The following KHDRBS2 variants were observed in gnomAD, a reference collection of about 807,000 sequenced individuals.
KHDRBS2 encodes the protein KH RNA binding domain containing, signal transduction associated 2, also known as KH domain-containing, RNA-binding, signal transduction-associated protein 2.
In KHDRBS2, 26 loss-of-function variants were observed where a neutral mutation model predicts 44.3. The observed-to-expected ratio is 0.59, with a 90% CI of 0.43 to 0.81. The LOEUF is 0.81. Ranked by LOEUF, KHDRBS2 falls within the 40% of genes least tolerant of loss-of-function variation. The pLI, the probability that KHDRBS2 is intolerant of heterozygous loss-of-function variation, is 0.00. For synonymous variants in KHDRBS2, 194 were observed against 151.1 expected, an observed-to-expected ratio of 1.28 and a Z score of -2.08; for missense variants, 476 against 433.1, an observed-to-expected ratio of 1.10 and a Z score of -0.88.
At chr6:61,910,075 A>G (rs1276176766) in intron 4 of KHDRBS2, among the ~76,000 whole-genome samples, 1 of 152,182 alleles carries the variant, frequency 6.6e-6, no homozygotes, top group Non-Finnish European at 1.5e-5. Context: ...CAGCTCCTAC[A>G]AACAGATTAG....
At chr6:61,622,789 G>A in the KHDRBS2 span, among the ~76,000 whole-genome samples, 1 of 152,066 alleles carries the variant, frequency 6.6e-6, no homozygotes, top group Non-Finnish European at 1.5e-5. Context: ...CATTCATTGA[G>A]GTCAAGAATG....
chr6:61,728,096 A>T (rs6916332), intron 7 of KHDRBS2, among the ~76,000 whole-genome samples: 1 of 152,032 alleles, frequency 6.6e-6, no homozygotes. Context: ...ATCATGGAAT[A>T]CTATGCAGCC....
intron 7 of KHDRBS2, among the ~76,000 whole-genome samples, chr6:61,729,107 G>T (rs1392669113): frequency 6.6e-6 from 1 of 152,142 alleles, no homozygotes; most frequent in Non-Finnish European, 1.5e-5. Context: ...ACAGGATAAA[G>T]AAAATGTGGT....
chr6:62,158,846 T>A (rs1196357236), intron 2 of KHDRBS2, among the ~76,000 whole-genome samples: 1 of 152,080 alleles, frequency 6.6e-6, no homozygotes, highest in Non-Finnish European at 1.5e-5. Context: ...CCTTAGCCTC[T>A]AAATAATCAA....
chr6:62,162,030 A>C (rs1197963920), intron 2 of KHDRBS2, among the ~76,000 whole-genome samples: 2 of 152,120 alleles, frequency 1.3e-5, no homozygotes, highest in African/African-American at 4.8e-5. Context: ...TATAGTAAAA[A>C]GTGAAGTTAC....
At chr6:62,104,415 T>C (rs1263340735) in intron 2 of KHDRBS2, among the ~76,000 whole-genome samples, 1 of 152,186 alleles carries the variant, frequency 6.6e-6, no homozygotes, top group Non-Finnish European at 1.5e-5. Flanking sequence ...TAGCATTAGG[T>C]ATATTTGAAA....
At chr6:61,835,708 T>C (rs1229932929) in intron 6 of KHDRBS2, among the ~76,000 whole-genome samples, 5 of 111,526 alleles carry the variant, frequency 4.5e-5, no homozygotes, top group Admixed American at 8.6e-5. Flanking sequence ...TGTTGATGTG[T>C]GCGTGTGTGT....
At chr6:61,970,375 A>C (rs1195602166) in intron 4 of KHDRBS2, among the ~76,000 whole-genome samples, 1 of 152,098 alleles carries the variant, frequency 6.6e-6, no homozygotes, top group Non-Finnish European at 1.5e-5. Context: ...ATTTTATTTC[A>C]AGTATGGGCT....
chr6:61,902,571 G>T (rs1804259169), intron 4 of KHDRBS2, among the ~76,000 whole-genome samples: 4 of 151,944 alleles, frequency 2.6e-5, no homozygotes, highest in African/African-American at 7.3e-5. Context: ...TGAGTAACTG[G>T]TTATTTGTGC....
chr6:61,866,469 G>C (rs1454169555), intron 6 of KHDRBS2, among the ~76,000 whole-genome samples: 1 of 152,098 alleles, frequency 6.6e-6, no homozygotes, highest in South Asian at 2.1e-4. Context: ...CTGGCCCTCT[G>C]GGCCTGTGAT....
At chr6:61,617,991 C>A in the KHDRBS2 span, among the ~76,000 whole-genome samples, 1 of 152,008 alleles carries the variant, frequency 6.6e-6, no homozygotes, top group Non-Finnish European at 1.5e-5. Context: ...CCATTTATTT[C>A]TTTAGCCTAT....
intron 2 of KHDRBS2, among the ~76,000 whole-genome samples, chr6:62,063,904 C>T (rs1336351217): frequency 7.2e-6 from 1 of 138,284 alleles, no homozygotes; most frequent in Non-Finnish European, 1.6e-5. Flanking sequence ...CCAAAATCTC[C>T]TTAAGCTGAT....
At chr6:62,095,388 C>A (rs1800364995) in intron 2 of KHDRBS2, among the ~76,000 whole-genome samples, 1 of 151,712 alleles carries the variant, frequency 6.6e-6, no homozygotes, top group Non-Finnish European at 1.5e-5. Flanking sequence ...AATTTTTAAT[C>A]TTTTATATCA....
chr6:61,941,835 A>G (rs1812189367), intron 4 of KHDRBS2, among the ~76,000 whole-genome samples: 1 of 152,252 alleles, frequency 6.6e-6, no homozygotes, highest in South Asian at 2.1e-4. Flanking sequence ...ATGTCAACAT[A>G]AGCATAAAGA....
chr6:61,848,498 T>TAC (rs1794809339), intron 6 of KHDRBS2, among the ~76,000 whole-genome samples: 2 of 63,102 alleles, frequency 3.2e-5, no homozygotes, highest in African/African-American at 1.5e-4. Flanking sequence ...TATGTATATA[T>TAC]ATATATATAT....
chr6:61,644,252 T>C, the KHDRBS2 span, among the ~76,000 whole-genome samples: 5 of 152,166 alleles, frequency 3.3e-5, no homozygotes, highest in African/African-American at 1.2e-4. Flanking sequence ...GCTAGCCTTA[T>C]GCAGATGATT....
intron 6 of KHDRBS2, among the ~76,000 whole-genome samples, chr6:61,803,952 A>C (rs373911265): frequency 1.1e-4 from 16 of 152,116 alleles, no homozygotes; most frequent in African/African-American, 3.9e-4. Context: ...GAGTGGGTAC[A>C]CAGAGCCAGA....
At chr6:61,912,505 A>C (rs1388522223) in intron 4 of KHDRBS2, among the ~76,000 whole-genome samples, 2 of 152,164 alleles carry the variant, frequency 1.3e-5, no homozygotes, top group Non-Finnish European at 2.9e-5. Context: ...CTCAGCTTCC[A>C]AATGTGTCTT....
the KHDRBS2 span, among the ~76,000 whole-genome samples, chr6:61,569,389 C>T: frequency 6.6e-6 from 1 of 152,160 alleles, no homozygotes; most frequent in Non-Finnish European, 1.5e-5. Flanking sequence ...AATACTTACA[C>T]TGGAAAAATT....
Sources: allele counts gnomAD v4.1 joint callset (sites outside exome capture counted in the v4.1 genomes callset), GRCh38; gene constraint gnomAD v4.1.1; transcripts MANE v1.5; gene names NCBI Gene and HGNC (gene_info 2026-07-23, HGNC 2026-07-21).